NDFIP2: variants seen among roughly 807,000 people sequenced by gnomAD.
NDFIP2 encodes the protein Nedd4 family interacting protein 2.
Under a neutral mutation model 36.0 loss-of-function variants are expected in NDFIP2, and 19 were observed. That is an observed-to-expected ratio of 0.53 (90% CI 0.37 to 0.77). The LOEUF is 0.77. Among genes scored for constraint, NDFIP2 ranks in the 30% least tolerant of loss-of-function variants. The pLI, the probability that NDFIP2 is intolerant of heterozygous loss-of-function variation, is 0.00. For synonymous variants in NDFIP2, 181 were observed against 167.7 expected (o/e 1.08, Z -0.61); for missense variants, 446 against 435.8 (o/e 1.02, Z -0.21).
At chr13:79,505,972 G>T (rs57603166) in intron 1 of NDFIP2, among the ~76,000 whole-genome samples, 1 of 152,204 alleles carries the variant, frequency 6.6e-6, no homozygotes, top group South Asian at 2.1e-4. Context: ...AGACGAAAAT[G>T]ATTATCAGAG....
chr13:79,504,633 AT>A (rs11350629), intron 1 of NDFIP2, among the ~76,000 whole-genome samples: 95,776 of 148,338 alleles, frequency 0.65, 31,036 homozygotes, highest in African/African-American at 0.75. Flanking sequence ...AGTTCTCTAA[AT>A]TTTTTTTTTT....
At chr13:79,541,671 C>T (rs976139332) in intron 4 of NDFIP2, among the ~76,000 whole-genome samples, 10 of 151,694 alleles carry the variant, frequency 6.6e-5, no homozygotes, top group South Asian at 2.1e-4. Flanking sequence ...CTATATTTTC[C>T]GTGTTTCTTA....
chr13:79,485,305 A>G (rs1299466225), intron 1 of NDFIP2, among the ~76,000 whole-genome samples: 1 of 152,164 alleles, frequency 6.6e-6, no homozygotes, highest in Admixed American at 6.5e-5. Context: ...TGGTTGCCTG[A>G]TCTTTGTTCC....
intron 1 of NDFIP2, among the ~76,000 whole-genome samples, chr13:79,502,993 A>G (rs1438295892): frequency 6.6e-6 from 1 of 152,048 alleles, no homozygotes; most frequent in Non-Finnish European, 1.5e-5. Flanking sequence ...TTAAAGAAAA[A>G]ACAATCCTTT....
chr13:79,529,334 G>C lies in NDFIP2; in HGVS notation c.488-3989G>C, dbSNP rs1229273165. Among the ~76,000 whole-genome samples the C allele has an allele frequency of 4.6e-5, 7 of 152,002 alleles. No homozygotes were observed. The East Asian group carries it at 1.4e-3, about 29-fold the overall frequency. Reference sequence around the variant, plus strand: ...CCAACTTTCATGTATTAGTGGTAGGGATTTTTTTTTTCTATCTTGAGTATT... The same window carrying C: ...CCAACTTTCATGTATTAGTGGTAGGCATTTTTTTTTTCTATCTTGAGTATT... On this transcript the variant is annotated intron_variant, in intron 2 of 7. Coordinates refer to ENST00000218652, the MANE Select transcript of NDFIP2 (RefSeq NM_019080.3).
chr13:79,548,320 C>T lies in NDFIP2; in HGVS notation c.841-8C>T. On this transcript the variant is annotated splice_polypyrimidine_tract_variant and splice_region_variant and intron_variant, in intron 5 of 7. Transcript: ENST00000218652. ...AATTCGGTTAATATATTTATGTTCA[C>T]TCCATAGTTTTCTGATTATTTTACT... The T allele has an allele frequency of 6.4e-7, 1 of 1,561,346 alleles. No individual in the cohort carries two copies. The highest frequency in any genetic ancestry group is 1.2e-5 in the South Asian group (1 of 85,102).
chr13:79,541,720 T>G (rs1875464718), intron 4 of NDFIP2, among the ~76,000 whole-genome samples: 1 of 152,074 alleles, frequency 6.6e-6, no homozygotes. Flanking sequence ...GGTCCAGAAA[T>G]AGATTTTATT....
At chr13:79,524,889 G>A (rs1874731351) in intron 2 of NDFIP2, among the ~76,000 whole-genome samples, 1 of 152,184 alleles carries the variant, frequency 6.6e-6, no homozygotes, top group East Asian at 1.9e-4. Context: ...CATGTTTTAT[G>A]CCTTGATGCC....
intron 1 of NDFIP2, among the ~76,000 whole-genome samples, chr13:79,482,394 T>C (rs1195887241): frequency 1.3e-5 from 2 of 152,276 alleles, no homozygotes; most frequent in Middle Eastern, 3.4e-3. Context: ...GGTGGTGACG[T>C]TGGAGATTCC....
chr13:79,536,460 A>G (rs1002273122), intron 3 of NDFIP2, among the ~76,000 whole-genome samples: 8 of 152,218 alleles, frequency 5.3e-5, no homozygotes, highest in African/African-American at 1.9e-4. Flanking sequence ...AGAAAGAGGA[A>G]AACACCACAG....
At chr13:79,482,178 T>C (rs865957522) in intron 1 of NDFIP2, among the ~76,000 whole-genome samples, 3,760 of 142,354 alleles carry the variant, frequency 0.026, 123 homozygotes, top group African/African-American at 0.087. Context: ...TCTTTTTTTT[T>C]TTTTTTTTTT....
chr13:79,533,777 T>A (rs188991080), intron 3 of NDFIP2, among the ~76,000 whole-genome samples: 133 of 139,744 alleles, frequency 9.5e-4, no homozygotes, highest in Non-Finnish European at 1.6e-3. Flanking sequence ...CGACTGTTTA[T>A]GTTATCAGTA....
chr13:79,516,689 T>G (rs1323810348), intron 1 of NDFIP2, among the ~76,000 whole-genome samples: 2 of 152,206 alleles, frequency 1.3e-5, no homozygotes, highest in African/African-American at 4.8e-5. Context: ...GTTCTCTTCC[T>G]GTAGGTCTAA....
At chr13:79,483,855 C>T (rs1459728476) in intron 1 of NDFIP2, among the ~76,000 whole-genome samples, 1 of 152,096 alleles carries the variant, frequency 6.6e-6, no homozygotes, top group African/African-American at 2.4e-5. Flanking sequence ...GATTGTTACC[C>T]TTCTAATTTC....
At chr13:79,534,917 A>T (rs921221486) in intron 3 of NDFIP2, among the ~76,000 whole-genome samples, 4 of 152,200 alleles carry the variant, frequency 2.6e-5, no homozygotes, top group Non-Finnish European at 5.9e-5. Flanking sequence ...TTAAACGTCA[A>T]CATAAATAGC....
chr13:79,505,340 A>T (rs1035005778), intron 1 of NDFIP2, among the ~76,000 whole-genome samples: 1 of 152,178 alleles, frequency 6.6e-6, no homozygotes, highest in Non-Finnish European at 1.5e-5. Context: ...GTTCTAAAGA[A>T]TAAGTAGTTG....
At chr13:79,495,250 T>G (rs915846705) in intron 1 of NDFIP2, among the ~76,000 whole-genome samples, 1 of 151,920 alleles carries the variant, frequency 6.6e-6, no homozygotes, top group Non-Finnish European at 1.5e-5. Flanking sequence ...CATAATATTG[T>G]TCTGATCTTC....
intron 1 of NDFIP2, among the ~76,000 whole-genome samples, chr13:79,483,318 C>G (rs192854599): frequency 6.6e-6 from 1 of 151,978 alleles, no homozygotes; most frequent in African/African-American, 2.4e-5. Flanking sequence ...ACACAATTTA[C>G]GTAGTCATTT....
intron 1 of NDFIP2, among the ~76,000 whole-genome samples, chr13:79,504,924 A>G (rs1293035946): frequency 1.3e-5 from 2 of 152,136 alleles, no homozygotes; most frequent in African/African-American, 4.8e-5. Context: ...TTATAATCTG[A>G]TACTGTCATA....
Sources: gnomAD v4.1 joint callset for allele counts (sites outside exome capture counted in the v4.1 genomes callset) on GRCh38, gnomAD v4.1.1 for gene constraint, MANE v1.5 for transcripts, NCBI Gene and HGNC (gene_info 2026-07-23, HGNC 2026-07-21) for gene names.